OPCML: variants seen among roughly 807,000 people sequenced by gnomAD.
OPCML encodes opioid-binding protein/cell adhesion molecule.
Under a neutral mutation model 37.8 loss-of-function variants are expected in OPCML, and 13 were observed. The observed-to-expected ratio is 0.34, with a 90% confidence interval of 0.22 to 0.55. The LOEUF (loss-of-function observed/expected upper bound fraction) is 0.55. OPCML is among the 20% of genes least tolerant of loss of function. The pLI, the probability that OPCML is intolerant of heterozygous loss-of-function variation, is 0.91. For synonymous variants in OPCML, 176 were observed against 168.8 expected, an observed-to-expected ratio of 1.04 and a Z score of -0.33; for missense variants, 341 against 435.6, an observed-to-expected ratio of 0.78 and a Z score of 1.93.
At chr11:132,973,257 G>A (rs899509088) in intron 1 of OPCML, among the ~76,000 whole-genome samples, 4 of 152,010 alleles carry the variant, frequency 2.6e-5, no homozygotes, top group Non-Finnish European at 5.9e-5. Context: ...GTGCAAGTGG[G>A]TATTGTCACA....
At chr11:133,158,058 G>A (rs548524126) in intron 1 of OPCML, among the ~76,000 whole-genome samples, 1 of 152,300 alleles carries the variant, frequency 6.6e-6, no homozygotes, top group East Asian at 1.9e-4. Flanking sequence ...TGTCTTCAAT[G>A]TGCATTTGGA....
chr11:132,714,425 C>G (rs952536293), intron 2 of OPCML, among the ~76,000 whole-genome samples: 18 of 152,272 alleles, frequency 1.2e-4, no homozygotes, highest in African/African-American at 4.3e-4. Flanking sequence ...AAAGTTCACA[C>G]TTAAAACCCC....
rs1273768067 is a variant in OPCML, at chr11:133,140,823, A to AGACGAC, written c.62-197819_62-197814dup. On this transcript the variant is annotated intron_variant, in intron 1 of 7. Transcript: ENST00000524381. ...AAGAAGAAGACGACGACGAAGAAGA[A>AGACGAC]GACGACGACGAAGAAGACGACGACG... Among the ~76,000 whole-genome samples the AGACGAC allele has an allele frequency of 5.4e-4, 17 of 31,730 alleles. 2 individuals are homozygous for AGACGAC. Among genetic ancestry groups the AGACGAC allele is most frequent in the African/African-American group, 1.1e-3 (17 of 14,804 alleles). 20.8% of individuals were successfully genotyped at this position (31,730 alleles called of 152,430 possible).
In OPCML at chr11:133,421,754, A is replaced by G. The variant is rs536804164; in HGVS notation, c.61+110510T>C. ...CTAGCAAACAAACTGTGGCAATGAC[A>G]CCAACAGTCCTTAATGCTCTGGATA... On this transcript the variant is annotated intron_variant, in intron 1 of 7. Transcript: ENST00000524381. 9.7e-5 allele frequency: 96 copies of G among 985,446 alleles called. No individual in the cohort carries two copies. The African/African-American group carries it at 1.6e-3, about 16-fold the overall frequency. 61.0% of individuals were successfully genotyped at this position (985,446 alleles called of 1,614,324 possible).
At chr11:133,113,018 A>C (rs1406071925) in intron 1 of OPCML, among the ~76,000 whole-genome samples, 2 of 152,214 alleles carry the variant, frequency 1.3e-5, no homozygotes, top group Non-Finnish European at 2.9e-5. Flanking sequence ...CAATTACAGA[A>C]TATATATGCC....
intron 4 of OPCML, among the ~76,000 whole-genome samples, chr11:132,466,419 G>C (rs925753595): frequency 3.3e-5 from 5 of 151,512 alleles, no homozygotes; most frequent in African/African-American, 1.2e-4. Flanking sequence ...GCGAGGCGGA[G>C]CTTGCAGTGA....
chr11:132,952,110 C>G (rs1167787320), intron 1 of OPCML, among the ~76,000 whole-genome samples: 1 of 152,134 alleles, frequency 6.6e-6, no homozygotes, highest in Non-Finnish European at 1.5e-5. Context: ...AAGTGAGAAG[C>G]CTGGGTTTGA....
intron 1 of OPCML, among the ~76,000 whole-genome samples, chr11:133,142,530 ATACTAAC>A (rs1424749393): frequency 6.6e-6 from 1 of 152,178 alleles, no homozygotes. Context: ...CAAACTACAA[ATACTAAC>A]TACTGTCTAT....
chr11:133,498,971 T>C (rs996896469), intron 1 of OPCML, among the ~76,000 whole-genome samples: 2 of 152,170 alleles, frequency 1.3e-5, no homozygotes, highest in African/African-American at 4.8e-5. Context: ...ATGACTACAA[T>C]GAGGCACATG....
chr11:132,849,953 C>T (rs181910215), intron 2 of OPCML, among the ~76,000 whole-genome samples: 56 of 152,320 alleles, frequency 3.7e-4, no homozygotes, highest in Non-Finnish European at 6.3e-4. Flanking sequence ...GAGCAGATGA[C>T]GCACCAGCTC....
intron 1 of OPCML, among the ~76,000 whole-genome samples, chr11:133,133,779 G>T (rs960211850): frequency 1.3e-5 from 2 of 152,170 alleles, no homozygotes; most frequent in South Asian, 4.1e-4. Context: ...TCCACGAGTT[G>T]CCTGTGCTCA....
chr11:133,341,558 T>A (rs1943870723), intron 1 of OPCML, among the ~76,000 whole-genome samples: 1 of 152,192 alleles, frequency 6.6e-6, no homozygotes, highest in South Asian at 2.1e-4. Context: ...TGCATGCTTG[T>A]AGGCAATCCC....
intron 3 of OPCML, among the ~76,000 whole-genome samples, chr11:132,572,186 T>C (rs1248812045): frequency 6.6e-6 from 1 of 151,916 alleles, no homozygotes; most frequent in Non-Finnish European, 1.5e-5. Context: ...TTACTGGACA[T>C]AATGGTTGCA....
chr11:133,261,066 C>A (rs2136456331), intron 1 of OPCML, among the ~76,000 whole-genome samples: 1 of 152,294 alleles, frequency 6.6e-6, no homozygotes, highest in East Asian at 1.9e-4. Context: ...CTTGGCTTAA[C>A]AAAACAAGTG....
At chr11:132,428,345 G>A (rs1390752368) in intron 7 of OPCML, among the ~76,000 whole-genome samples, 1 of 152,158 alleles carries the variant, frequency 6.6e-6, no homozygotes, top group African/African-American at 2.4e-5. Flanking sequence ...CTCATTGGCT[G>A]GAAGATATAT....
At chr11:133,495,325 C>G (rs1383458449) in intron 1 of OPCML, among the ~76,000 whole-genome samples, 3 of 152,154 alleles carry the variant, frequency 2.0e-5, no homozygotes, top group African/African-American at 4.8e-5. Flanking sequence ...TGGGTTGGTT[C>G]CACGATTTTG....
chr11:132,570,747 G>A (rs1367423245), intron 3 of OPCML, among the ~76,000 whole-genome samples: 2 of 88,536 alleles, frequency 2.3e-5, no homozygotes, highest in Admixed American at 1.4e-4. Flanking sequence ...GAATAGGCAG[G>A]AAAGAGAGTA....
At chr11:132,519,846 G>A (rs1565632383) in intron 4 of OPCML, among the ~76,000 whole-genome samples, 1 of 152,168 alleles carries the variant, frequency 6.6e-6, no homozygotes, top group African/African-American at 2.4e-5. Flanking sequence ...TAGCTGCCTT[G>A]GAGAGAGACA....
At chr11:133,246,884 G>A (rs1940943894) in intron 1 of OPCML, among the ~76,000 whole-genome samples, 2 of 152,190 alleles carry the variant, frequency 1.3e-5, no homozygotes. Context: ...AGAATTGGCA[G>A]GGTTGGTAGT....
Sources: gnomAD v4.1 joint callset for allele counts (sites outside exome capture counted in the v4.1 genomes callset) on GRCh38, gnomAD v4.1.1 for gene constraint, MANE v1.5 for transcripts, NCBI Gene and HGNC (gene_info 2026-07-23, HGNC 2026-07-21) for gene names.